Variants in ABHD2 observed in about 807,000 individuals in gnomAD.
The protein encoded by ABHD2 is monoacylglycerol lipase ABHD2.
A neutral mutation model predicts 48.1 loss-of-function variants in ABHD2; 20 were observed. The ratio of observed to expected loss-of-function variants is 0.42; its 90% CI spans 0.29 to 0.60. The LOEUF (loss-of-function observed/expected upper bound fraction) is 0.60, where lower values mean the gene tolerates loss of function less well. ABHD2 is among the 20% of genes least tolerant of loss of function. The pLI is 0.24. For missense variants in ABHD2, 405 were observed against 550.9 expected, an observed-to-expected ratio of 0.74 and a Z score of 2.65; for synonymous variants, 209 against 214.2, an observed-to-expected ratio of 0.98 and a Z score of 0.21.
chr15:89,063,216 C>T, the ABHD2 span, among the ~76,000 whole-genome samples: 1 of 152,120 alleles, frequency 6.6e-6, no homozygotes, highest in African/African-American at 2.4e-5. Context: ...GATCCCCCTG[C>T]CTCAGCCTCC....
At chr15:89,121,388 G>A (rs2050048658) in intron 3 of ABHD2, among the ~76,000 whole-genome samples, 1 of 151,964 alleles carries the variant, frequency 6.6e-6, no homozygotes, top group South Asian at 2.1e-4. Context: ...TGGTTTTCTT[G>A]TGTGCTTGTC....
Position 89,188,455 on chromosome 15 carries a change from CAGA to C in ABHD2, c.926+156_926+158del. The C allele has an allele frequency of 1.7e-6, 1 of 601,206 alleles. No individual in the cohort carries two copies. Among genetic ancestry groups the C allele is most frequent in the East Asian group, 2.8e-5 (1 of 35,940 alleles). 37.2% of individuals were successfully genotyped at this position (601,206 alleles called of 1,614,324 possible). A position where few individuals can be genotyped will look rare whatever the true frequency, so the allele number is the denominator to read the frequency against. ...TAAGTAAGTGTCTAGTGCTTAAAAA[CAGA>C]AGATTTCACAGGAACATTTAAATTT... is the stretch of plus-strand genomic sequence containing the variant. On this transcript the variant is annotated intron_variant, in intron 8 of 10. Coordinates refer to ENST00000352732, the MANE Select transcript of ABHD2 (RefSeq NM_152924.5). The surrounding 1 kb of genome is among the most constrained non-coding windows in gnomAD (Gnocchi z 4.1).
chr15:89,047,565 A>G, the ABHD2 span, among the ~76,000 whole-genome samples: 2 of 145,248 alleles, frequency 1.4e-5, no homozygotes, highest in Non-Finnish European at 3.0e-5. Flanking sequence ...GACTTGCTTT[A>G]TGAATCTGGG....
intron 3 of ABHD2, among the ~76,000 whole-genome samples, chr15:89,126,171 G>A (rs1161691594): frequency 6.6e-6 from 1 of 152,188 alleles, no homozygotes; most frequent in East Asian, 1.9e-4. Context: ...TGCTACAACT[G>A]ATTCCATCAC....
chr15:89,183,378 AAAAAAAATATATATATATATATAT>A (rs980330660), intron 6 of ABHD2: 3 of 59,550 alleles, frequency 5.0e-5, no homozygotes, highest in African/African-American at 3.5e-4. Context: ...CAAAAAAAAA[AAAAAAAATATATATATATATATAT>A]ATATATATAT....
chr15:89,064,518 G>A, the ABHD2 span, among the ~76,000 whole-genome samples: 5 of 151,992 alleles, frequency 3.3e-5, no homozygotes, highest in Admixed American at 6.6e-5. Context: ...GTGAGCTATC[G>A]CGCCCGGCCA....
rs539538265 is a variant in ABHD2 at position 89,184,910 on chromosome 15, A to G, written c.723-514A>G. ...CCTCTTCAATGGTATAAGGCTAATCAAAAGATAGATGTATTTGGAGGAGAT... is the reference window on the plus strand; with the variant it reads ...CCTCTTCAATGGTATAAGGCTAATCGAAAGATAGATGTATTTGGAGGAGAT... On this transcript the variant is annotated intron_variant, in intron 6 of 10. Coordinates refer to ENST00000352732, the MANE Select transcript of ABHD2 (RefSeq NM_152924.5). The surrounding 1 kb of genome is among the most constrained non-coding windows in gnomAD (Gnocchi z 5.1). Among the ~76,000 whole-genome samples, 12 of 152,336 alleles carry G rather than the reference A, an allele frequency of 7.9e-5. No homozygotes were observed. The South Asian group carries it at 2.3e-3, about 29-fold the overall frequency.
chr15:89,194,065 T>C (rs1445833004), intron 10 of ABHD2, among the ~76,000 whole-genome samples: 1 of 152,164 alleles, frequency 6.6e-6, no homozygotes, highest in Non-Finnish European at 1.5e-5. Flanking sequence ...CACTCCAGCC[T>C]GGGCAACAGA....
chr15:89,050,649 T>G, the ABHD2 span, among the ~76,000 whole-genome samples: 3 of 152,318 alleles, frequency 2.0e-5, no homozygotes, highest in Non-Finnish European at 2.9e-5. Context: ...AGAACCCATC[T>G]GCTGGGATGG....
At chr15:89,132,251 G>A (rs1220451957) in intron 3 of ABHD2, among the ~76,000 whole-genome samples, 2 of 152,168 alleles carry the variant, frequency 1.3e-5, no homozygotes, top group African/African-American at 4.8e-5. Context: ...TGGACACTCA[G>A]TTTCTGTCTG....
rs781362384 is a variant in ABHD2 at position 89,116,572 on chromosome 15, T to G, written c.194+51T>G. 2 of 1,555,166 alleles carry G rather than the reference T, an allele frequency of 1.3e-6. No individual in the cohort carries two copies. The highest frequency in any genetic ancestry group is 1.7e-6 in the Non-Finnish European group (2 of 1,146,330). ...TGCTCAGCTGCTGATGTATTTGGCT[T>G]TGTGTGATGTTCAAAGAAGAAACTT... On this transcript the variant is annotated intron_variant, in intron 3 of 10. Transcript: ENST00000352732. This position sits in a 1 kb window ranked among gnomAD's most constrained non-coding sequence, Gnocchi z 4.6.
In ABHD2 at chr15:89,176,071, G is replaced by C. The variant is rs2051007981; in HGVS notation, c.722+76G>C. On this transcript the variant is annotated intron_variant, in intron 6 of 10. Coordinates refer to ENST00000352732, the MANE Select transcript of ABHD2 (RefSeq NM_152924.5). The surrounding 1 kb of genome is among the most constrained non-coding windows in gnomAD (Gnocchi z 4.5). Reference sequence around the variant, plus strand: ...GAGATGCCCCGACGCACAACACACTGTTCTGTGAAGACCGGGGAACACTGT... The same window carrying C: ...GAGATGCCCCGACGCACAACACACTCTTCTGTGAAGACCGGGGAACACTGT... 7.0e-7 allele frequency: 1 copy of C among 1,420,330 alleles called. No individual in the cohort carries two copies. The highest frequency in any genetic ancestry group is 1.4e-5 in the African/African-American group (1 of 69,666). 88.0% of individuals were successfully genotyped at this position (1,420,330 alleles called of 1,614,324 possible).
chr15:89,149,535 C>T (rs539809623), intron 3 of ABHD2, among the ~76,000 whole-genome samples: 123 of 152,228 alleles, frequency 8.1e-4, no homozygotes, highest in African/African-American at 2.9e-3. Context: ...GGCTTGAAAA[C>T]AGCATCTAAA....
intron 5 of ABHD2, among the ~76,000 whole-genome samples, chr15:89,160,347 G>A (rs1426307757): frequency 2.0e-5 from 3 of 152,088 alleles, no homozygotes; most frequent in African/African-American, 7.2e-5. Flanking sequence ...CTATACTTTA[G>A]TACAAAGATC....
the ABHD2 span, among the ~76,000 whole-genome samples, chr15:89,065,062 G>T: frequency 6.6e-6 from 1 of 152,066 alleles, no homozygotes; most frequent in African/African-American, 2.4e-5. Context: ...CAGCCTAAAT[G>T]TAAGTCTACT....
chr15:89,197,123 A>C lies in ABHD2; in HGVS notation c.*1700A>C, dbSNP rs891031706. The C allele has an allele frequency of 2.6e-5, 4 of 152,624 alleles. No individual in the cohort carries two copies. The highest frequency in any genetic ancestry group is 9.7e-5 in the African/African-American group (4 of 41,440). The allele number at this position is 152,624 out of a possible 1,614,324, so 9.5% of individuals were successfully genotyped here. A position where few individuals can be genotyped will look rare whatever the true frequency, so the allele number is the denominator to read the frequency against. The stretch of plus-strand genomic sequence containing the variant: ...TGGGTGTGGTTTGGGCACGGGTCCA[A>C]GTGACTGTGACGGGACCCGTGGGCA... On this transcript the variant is annotated 3_prime_UTR_variant, in exon 11 of 11. Coordinates refer to ENST00000352732, the MANE Select transcript of ABHD2 (RefSeq NM_152924.5). This position sits in a 1 kb window ranked among gnomAD's most constrained non-coding sequence, Gnocchi z 4.4.
intron 2 of ABHD2, among the ~76,000 whole-genome samples, chr15:89,115,852 A>G (rs1247939393): frequency 6.6e-6 from 1 of 152,174 alleles, no homozygotes; most frequent in African/African-American, 2.4e-5. Context: ...TTTCTGTTCA[A>G]GGCTGTAAAC....
intron 3 of ABHD2, among the ~76,000 whole-genome samples, chr15:89,129,228 C>G (rs1308994870): frequency 1.3e-5 from 2 of 151,976 alleles, no homozygotes; most frequent in African/African-American, 4.8e-5. Context: ...GAGAGAGACA[C>G]TAAAGACTGA....
At chr15:89,056,205 G>A in the ABHD2 span, among the ~76,000 whole-genome samples, 2 of 151,956 alleles carry the variant, frequency 1.3e-5, no homozygotes, top group Non-Finnish European at 2.9e-5. Flanking sequence ...ATCCCTCTAC[G>A]AATTTTTAAT....
Sources: gnomAD v4.1 joint callset for allele counts (sites outside exome capture counted in the v4.1 genomes callset) on GRCh38, gnomAD v4.1.1 for gene constraint, Gnocchi (gnomAD v3.1) non-coding constraint, MANE v1.5 for transcripts, NCBI Gene and HGNC (gene_info 2026-07-23, HGNC 2026-07-21) for gene names.